PACRG: variants seen among roughly 807,000 people sequenced by gnomAD.
PACRG encodes parkin coregulated gene protein.
PACRG carries 29 observed loss-of-function variants against 29.7 expected under a neutral mutation model. That is an observed-to-expected ratio of 0.98 (90% CI 0.73 to 1.33). PACRG has a LOEUF of 1.33. PACRG is among the 40% of genes most tolerant of loss of function. The pLI is 0.00. For missense variants in PACRG, 279 were observed against 316.2 expected (o/e 0.88, Z 0.89); for synonymous variants, 116 against 118.7 (o/e 0.98, Z 0.15).
intron 2 of PACRG, among the ~76,000 whole-genome samples, chr6:162,954,519 C>T (rs1379713760): frequency 1.3e-5 from 2 of 149,752 alleles, no homozygotes; most frequent in Non-Finnish European, 2.9e-5. Context: ...TTTTACTGCA[C>T]AACCCTTTAG....
intron 2 of PACRG, among the ~76,000 whole-genome samples, chr6:162,969,540 G>C (rs1801352045): frequency 6.6e-6 from 1 of 151,954 alleles, no homozygotes; most frequent in South Asian, 2.1e-4. Context: ...CACTCAGATT[G>C]TATCACTCCA....
At chr6:163,131,838 A>G (rs2128329562) in intron 4 of PACRG, among the ~76,000 whole-genome samples, 1 of 152,338 alleles carries the variant, frequency 6.6e-6, no homozygotes, top group East Asian at 1.9e-4. Flanking sequence ...ATTCCCTTGC[A>G]TAACCCCTAC....
intron 2 of PACRG, chr6:163,054,236 A>G: frequency 6.6e-6 from 1 of 152,176 alleles, no homozygotes; most frequent in East Asian, 1.9e-4. Context: ...GTGAGATCAT[A>G]ATGGTGGGGC....
At chr6:163,136,738 G>GA in intron 4 of PACRG, among the ~76,000 whole-genome samples, 1 of 152,256 alleles carries the variant, frequency 6.6e-6, no homozygotes, top group East Asian at 1.9e-4. Flanking sequence ...AGGGATTACT[G>GA]AATGAACTAA....
intron 3 of PACRG, among the ~76,000 whole-genome samples, chr6:163,065,766 A>C (rs947497030): frequency 2.6e-5 from 4 of 152,242 alleles, no homozygotes; most frequent in African/African-American, 9.6e-5. Flanking sequence ...AATAAAAAGA[A>C]GTCCATTTTG....
rs1193582508 is a variant in PACRG at position 163,308,491 on chromosome 6, CTCTG to C, written c.614-6332_614-6329del. Reference sequence around the variant, plus strand: ...GACCAGCCTGGTCAACATGGCAAAACTCTGTCTCTACTAAAAATACAAAAATTAG... The same window carrying C: ...GACCAGCCTGGTCAACATGGCAAAACTCTCTACTAAAAATACAAAAATTAG... On this transcript the variant is annotated intron_variant, in intron 4 of 4. Coordinates refer to ENST00000366888, the MANE Select transcript of PACRG (RefSeq NM_001080379.2). Among the ~76,000 whole-genome samples, 5 of 152,258 alleles carry C rather than the reference CTCTG, an allele frequency of 3.3e-5. No individual in the cohort carries two copies. The East Asian group carries it at 9.7e-4, about 29-fold the overall frequency.
chr6:162,771,083 A>T (rs148088230), intron 1 of PACRG, among the ~76,000 whole-genome samples: 29 of 152,312 alleles, frequency 1.9e-4, no homozygotes, highest in African/African-American at 6.7e-4. Flanking sequence ...ATATTCATAG[A>T]ATACAAACTC....
chr6:163,084,125 A>G (rs1440897082), intron 3 of PACRG, among the ~76,000 whole-genome samples: 1 of 152,204 alleles, frequency 6.6e-6, no homozygotes, highest in Non-Finnish European at 1.5e-5. Flanking sequence ...GAAAGGTTCC[A>G]TTTGTTGATC....
chr6:163,073,821 A>C (rs1268112776), intron 3 of PACRG, among the ~76,000 whole-genome samples: 1 of 152,266 alleles, frequency 6.6e-6, no homozygotes, highest in East Asian at 1.9e-4. Flanking sequence ...GCAAATAGGC[A>C]TATGAAAAGG....
intron 4 of PACRG, among the ~76,000 whole-genome samples, chr6:163,217,566 G>A (rs1260547459): frequency 6.6e-6 from 1 of 152,198 alleles, no homozygotes; most frequent in African/African-American, 2.4e-5. Context: ...GACTGGCACT[G>A]GTCTGTGCTC....
intron 1 of PACRG, among the ~76,000 whole-genome samples, chr6:162,799,772 A>G (rs910881125): frequency 2.0e-5 from 3 of 152,176 alleles, no homozygotes; most frequent in Non-Finnish European, 4.4e-5. Context: ...TTCTATTAAA[A>G]TATTCATGAT....
At chr6:163,232,715 A>G (rs887685337) in intron 4 of PACRG, among the ~76,000 whole-genome samples, 1 of 152,160 alleles carries the variant, frequency 6.6e-6, no homozygotes, top group Non-Finnish European at 1.5e-5. Flanking sequence ...ACAGCAGGCA[A>G]TAGGAAGAGA....
chr6:162,816,590 G>C (rs1787369544), intron 2 of PACRG, among the ~76,000 whole-genome samples: 1 of 152,112 alleles, frequency 6.6e-6, no homozygotes, highest in South Asian at 2.1e-4. Flanking sequence ...CTGACCTCGT[G>C]ATCCGCCTGT....
intron 2 of PACRG, among the ~76,000 whole-genome samples, chr6:162,941,041 T>C (rs1434205089): frequency 4.6e-5 from 2 of 43,724 alleles, no homozygotes; most frequent in African/African-American, 1.3e-4. Flanking sequence ...TATGTGTGTG[T>C]TTGTGCATGT....
intron 4 of PACRG, among the ~76,000 whole-genome samples, chr6:163,180,424 A>T (rs1463809938): frequency 6.6e-6 from 1 of 152,122 alleles, no homozygotes; most frequent in African/African-American, 2.4e-5. Context: ...TACATAGATT[A>T]TCATACACCT....
chr6:163,232,810 C>T (rs1167230542), intron 4 of PACRG, among the ~76,000 whole-genome samples: 3 of 152,178 alleles, frequency 2.0e-5, no homozygotes, highest in African/African-American at 7.2e-5. Flanking sequence ...AAGAGCACGC[C>T]TCACCTACCC....
chr6:163,104,469 G>T (rs1203745474), intron 4 of PACRG, among the ~76,000 whole-genome samples: 1 of 152,158 alleles, frequency 6.6e-6, no homozygotes, highest in Non-Finnish European at 1.5e-5. Flanking sequence ...TTTGGCTCAT[G>T]ATTCTGGAGG....
At chr6:163,278,715 C>T (rs1784136228) in intron 4 of PACRG, among the ~76,000 whole-genome samples, 1 of 152,268 alleles carries the variant, frequency 6.6e-6, no homozygotes, top group South Asian at 2.1e-4. Context: ...ATACCAGTAC[C>T]ATGCTGTTTT....
Position 162,849,336 on chromosome 6 carries a change from A to G in PACRG, c.291+35055A>G, listed in dbSNP as rs543308071. On this transcript the variant is annotated intron_variant, in intron 2 of 4. Coordinates refer to ENST00000366888, the MANE Select transcript of PACRG (RefSeq NM_001080379.2). The stretch of plus-strand genomic sequence containing the variant: ...GGAGACAGGGGAGAGAGAAAAGAAC[A>G]GGAAAGGTGAAAGCATCTTGAGCTT... 4.6e-5 allele frequency among the ~76,000 whole-genome samples: 7 copies of G among 152,336 alleles called. No homozygotes were observed. The South Asian group carries it at 1.5e-3, about 32-fold the overall frequency.
Sources: gnomAD v4.1 joint callset for allele counts (sites outside exome capture counted in the v4.1 genomes callset) on GRCh38, gnomAD v4.1.1 for gene constraint, MANE v1.5 for transcripts, NCBI Gene and HGNC (gene_info 2026-07-23, HGNC 2026-07-21) for gene names.